Variants in CWF19L2 observed in about 807,000 individuals in gnomAD.
The protein encoded by CWF19L2 is CWF19 like cell cycle control factor 2, also known as CWF19-like protein 2.
In CWF19L2, 98 loss-of-function variants were observed where a neutral mutation model predicts 111.7. The ratio of observed to expected loss-of-function variants is 0.88; its 90% CI spans 0.75 to 1.04. CWF19L2 has a LOEUF of 1.04. CWF19L2 is among the 50% of genes least tolerant of loss of function. The pLI, the probability that CWF19L2 is intolerant of heterozygous loss-of-function variation, is 0.00. For missense variants in CWF19L2, 1,101 were observed against 1,051.4 expected (o/e 1.05, Z -0.65); for synonymous variants, 351 against 342.9 (o/e 1.02, Z -0.26).
chr11:107,345,015 T>A (rs1364792427), intron 14 of CWF19L2, among the ~76,000 whole-genome samples: 5 of 152,130 alleles, frequency 3.3e-5, no homozygotes, highest in Admixed American at 3.3e-4. Context: ...ACTGATACTA[T>A]CCTGACTGGA....
At chr11:107,432,315 C>T (rs770203094) in intron 7 of CWF19L2, among the ~76,000 whole-genome samples, 1 of 152,202 alleles carries the variant, frequency 6.6e-6, no homozygotes, top group Non-Finnish European at 1.5e-5. Context: ...CAGTGGCTCA[C>T]GCCTGTAATC....
chr11:107,439,349 A>C (rs780227501), intron 5 of CWF19L2, among the ~76,000 whole-genome samples, 166 bp from the exon 6 acceptor site: 3 of 152,252 alleles, frequency 2.0e-5, no homozygotes, highest in Non-Finnish European at 4.4e-5. Context: ...GTCTAAATTC[A>C]CATTCATTCA....
chr11:107,431,221 AC>A, intron 7 of CWF19L2, among the ~76,000 whole-genome samples: 1 of 152,096 alleles, frequency 6.6e-6, no homozygotes, highest in South Asian at 2.1e-4. Flanking sequence ...GAGGAAAAAA[AC>A]AAAATAATTA....
intron 10 of CWF19L2, among the ~76,000 whole-genome samples, chr11:107,405,366 A>G (rs1226393863): frequency 2.0e-5 from 3 of 152,204 alleles, no homozygotes; most frequent in Non-Finnish European, 4.4e-5. Flanking sequence ...TTTAGCTAAT[A>G]AAACTAATTC....
At chr11:107,362,410 A>G (rs1485529617) in intron 12 of CWF19L2, among the ~76,000 whole-genome samples, 5 of 151,974 alleles carry the variant, frequency 3.3e-5, no homozygotes, top group South Asian at 4.1e-4. Flanking sequence ...ACCTCTGCAG[A>G]CTTAAATGTC....
chr11:107,373,316 C>G lies in CWF19L2; in HGVS notation c.1872+16758G>C, dbSNP rs1351637458. On this transcript the variant is annotated intron_variant, in intron 12 of 17. Coordinates refer to ENST00000282251, the MANE Select transcript of CWF19L2 (RefSeq NM_152434.3). ...CCTCTGTAGGCTCCACCTCTGGGGG[C>G]AGGGCACAGACAAACAAAAAGACAG... Among the ~76,000 whole-genome samples the G allele has an allele frequency of 3.9e-5, 5 of 129,506 alleles. 1 individual carries two copies. The highest frequency in any genetic ancestry group is 8.1e-5 in the Non-Finnish European group (5 of 61,962). 85.0% of individuals were successfully genotyped at this position (129,506 alleles called of 152,430 possible). A position where few individuals can be genotyped will look rare whatever the true frequency, so the allele number is the denominator to read the frequency against.
intron 12 of CWF19L2, among the ~76,000 whole-genome samples, chr11:107,385,759 C>T (rs1860755279): frequency 6.6e-6 from 1 of 152,136 alleles, no homozygotes; most frequent in Non-Finnish European, 1.5e-5. Context: ...TCTACTCCAT[C>T]CCCCCCAGGG....
intron 10 of CWF19L2, among the ~76,000 whole-genome samples, chr11:107,399,641 T>C (rs1049965783): frequency 6.6e-6 from 1 of 152,176 alleles, no homozygotes; most frequent in Non-Finnish European, 1.5e-5. Flanking sequence ...ACTCCACTGA[T>C]AGCCCTAGAT....
At chr11:107,403,646 T>C (rs1861038669) in intron 10 of CWF19L2, 2 of 776,142 alleles carry the variant, frequency 2.6e-6, no homozygotes, top group Non-Finnish European at 2.4e-6. Context: ...TTTCTTCTCC[T>C]CACCTTTGTT....
At chr11:107,360,657 T>A (rs79564459) in intron 12 of CWF19L2, among the ~76,000 whole-genome samples, 2,031 of 152,336 alleles carry the variant, frequency 0.013, 40 homozygotes, top group African/African-American at 0.045. Flanking sequence ...GTTAGTTTTT[T>A]AAATTTTTAA....
chr11:107,403,896 C>A, intron 10 of CWF19L2: 1 of 802,338 alleles, frequency 1.2e-6, no homozygotes. Flanking sequence ...AGAAGTTCAG[C>A]TTCTAGTTTT....
At position 107,368,071 on chromosome 11, in the gene CWF19L2, T is replaced by C. The variant is rs1476854627; in HGVS notation, c.1873-14335A>G. On this transcript the variant is annotated intron_variant, in intron 12 of 17. Coordinates refer to ENST00000282251, the MANE Select transcript of CWF19L2 (RefSeq NM_152434.3). ...CTAGAGAAGCAAGAAGGAACCAACC[T>C]GAAATTAGCAGAAGAAAAGAGAGAT... Among the ~76,000 whole-genome samples, 5 of 134,508 alleles carry C rather than the reference T, an allele frequency of 3.7e-5. 1 individual carries two copies. The highest frequency in any genetic ancestry group is 1.5e-4 in the African/African-American group (5 of 33,384). 88.2% of individuals were successfully genotyped at this position (134,508 alleles called of 152,430 possible). A position where few individuals can be genotyped will look rare whatever the true frequency, so the allele number is the denominator to read the frequency against.
chr11:107,328,219 G>C (rs560408473), intron 17 of CWF19L2, among the ~76,000 whole-genome samples: 1 of 151,950 alleles, frequency 6.6e-6, no homozygotes, highest in South Asian at 2.1e-4. Context: ...CTGTCATCAG[G>C]GAAGGGAAAT....
At chr11:107,383,509 C>G (rs1220291235) in intron 12 of CWF19L2, among the ~76,000 whole-genome samples, 1 of 152,004 alleles carries the variant, frequency 6.6e-6, no homozygotes, top group Non-Finnish European at 1.5e-5. Context: ...CCCCTCTTTT[C>G]ATTAATTATG....
At chr11:107,395,232 C>T (rs938474192) in intron 10 of CWF19L2, among the ~76,000 whole-genome samples, 1 of 152,178 alleles carries the variant, frequency 6.6e-6, no homozygotes, top group Non-Finnish European at 1.5e-5. Context: ...TTTCTCCACA[C>T]AAGCTCTCTC....
At chr11:107,425,040 C>T (rs1349561857) in intron 8 of CWF19L2, among the ~76,000 whole-genome samples, 2 of 151,736 alleles carry the variant, frequency 1.3e-5, no homozygotes, top group East Asian at 3.9e-4. Context: ...CACCATGACA[C>T]CTGCAATTAT....
rs368739501 is a variant in CWF19L2, at chr11:107,440,506, C to G, written c.570+997G>C. 3.4e-4 allele frequency among the ~76,000 whole-genome samples: 51 copies of G among 152,164 alleles called. 1 individual carries two copies. The highest frequency in any genetic ancestry group is 1.2e-3 in the African/African-American group (49 of 41,512). On this transcript the variant is annotated intron_variant, in intron 5 of 17. Transcript: ENST00000282251. ...TTCTGTCACCTCCCTTGTTAGTTTACCACAAAATCTTTCAATATCTATAGT... is the reference window on the plus strand; with the variant it reads ...TTCTGTCACCTCCCTTGTTAGTTTAGCACAAAATCTTTCAATATCTATAGT...
At chr11:107,389,346 C>T (rs759842396) in intron 12 of CWF19L2, among the ~76,000 whole-genome samples, 3 of 152,308 alleles carry the variant, frequency 2.0e-5, no homozygotes, top group Admixed American at 6.5e-5. Context: ...AGAGTGAAGG[C>T]AGCCTTAGAT....
chr11:107,438,754 A>C (rs998173852), intron 6 of CWF19L2, among the ~76,000 whole-genome samples: 1 of 152,204 alleles, frequency 6.6e-6, no homozygotes, highest in Admixed American at 6.5e-5. Context: ...TACCAAAAGA[A>C]ATGCCTGAGG....
Sources: allele counts gnomAD v4.1 joint callset (sites outside exome capture counted in the v4.1 genomes callset), GRCh38; gene constraint gnomAD v4.1.1; transcripts MANE v1.5; gene names NCBI Gene and HGNC (gene_info 2026-07-23, HGNC 2026-07-21).